CSMD1: variants seen among roughly 807,000 people sequenced by gnomAD.
CSMD1 encodes CUB and sushi domain-containing protein 1.
A neutral mutation model predicts 417.5 loss-of-function variants in CSMD1; 213 were observed. That is an observed-to-expected ratio of 0.51 (90% CI 0.46 to 0.57). CSMD1 has a LOEUF of 0.57. Ranked by LOEUF, CSMD1 falls within the 20% of genes least tolerant of loss-of-function variation. The pLI, the probability that CSMD1 is intolerant of heterozygous loss-of-function variation, is 0.00. For synonymous variants in CSMD1, 2,862 were observed against 1,736.8 expected (o/e 1.65, Z -16.11); for missense variants, 6,923 against 4,529.7 (o/e 1.53, Z -15.17).
chr8:4,501,164 G>A (rs1405622820), intron 2 of CSMD1, among the ~76,000 whole-genome samples: 2 of 152,038 alleles, frequency 1.3e-5, no homozygotes, highest in African/African-American at 4.8e-5. Flanking sequence ...ATATGTTTAT[G>A]TGTATGCATA....
chr8:4,354,696 C>T (rs925076084), intron 3 of CSMD1, among the ~76,000 whole-genome samples: 9 of 151,940 alleles, frequency 5.9e-5, no homozygotes, highest in African/African-American at 1.9e-4. Context: ...ATATTGTCAC[C>T]GTGTATATTT....
intron 2 of CSMD1, among the ~76,000 whole-genome samples, chr8:4,471,447 C>A (rs1204180781): frequency 1.3e-5 from 2 of 152,014 alleles, no homozygotes; most frequent in Admixed American, 6.6e-5. Flanking sequence ...TGTCAGCAAG[C>A]CTCTCGACAA....
Position 4,749,055 on chromosome 8 carries a change from CGT to C in CSMD1, c.86-111499_86-111498del, listed in dbSNP as rs747026933. On this transcript the variant is annotated intron_variant, in intron 1 of 69. Coordinates refer to ENST00000635120, the MANE Select transcript of CSMD1 (RefSeq NM_033225.6). ...AAAACTGTGTGTGTGTGCCTGTGTGCGTGTGTGTGTGTGTGAGCGCACGCTCG... is the reference window on the plus strand; with the variant it reads ...AAAACTGTGTGTGTGTGCCTGTGTGCGTGTGTGTGTGTGAGCGCACGCTCG... 6.1e-3 allele frequency among the ~76,000 whole-genome samples: 638 copies of C among 104,980 alleles called. 7 individuals carry two copies. The highest frequency in any genetic ancestry group is 0.028 in the African/African-American group (586 of 20,832). 68.9% of individuals were successfully genotyped at this position (104,980 alleles called of 152,430 possible). A position where few individuals can be genotyped will look rare whatever the true frequency, so the allele number is the denominator to read the frequency against.
intron 12 of CSMD1, among the ~76,000 whole-genome samples, chr8:3,454,174 T>A (rs1368703978): frequency 6.6e-6 from 1 of 152,178 alleles, no homozygotes; most frequent in Admixed American, 6.5e-5. Flanking sequence ...GGTAGATCTT[T>A]CTCCACCTCT....
chr8:3,516,695 GAA>G (rs1472252348), intron 10 of CSMD1, among the ~76,000 whole-genome samples: 7 of 152,096 alleles, frequency 4.6e-5, no homozygotes, highest in African/African-American at 1.4e-4. Context: ...GGTTACATGA[GAA>G]AGTTCTTTGG....
intron 1 of CSMD1, among the ~76,000 whole-genome samples, chr8:4,704,984 T>C (rs1235903904): frequency 1.3e-5 from 2 of 152,244 alleles, no homozygotes; most frequent in Non-Finnish European, 2.9e-5. Context: ...TTGTAATCCC[T>C]ACACGTGTTG....
intron 7 of CSMD1, among the ~76,000 whole-genome samples, chr8:3,643,327 G>A (rs1297431803): frequency 2.0e-5 from 3 of 152,092 alleles, no homozygotes; most frequent in Non-Finnish European, 2.9e-5. Flanking sequence ...GAAAAAAAAT[G>A]AGAGAAAAAG....
chr8:4,584,069 C>G lies in CSMD1; in HGVS notation c.302+53273G>C, dbSNP rs535852776. On this transcript the variant is annotated intron_variant, in intron 2 of 69. Coordinates refer to ENST00000635120, the MANE Select transcript of CSMD1 (RefSeq NM_033225.6). Reference sequence around the variant, plus strand: ...CACTACGAAGGTCTGCAGTTTCACTCCTGAGCCAGCAAGACCACGAACCCA... The same window carrying G: ...CACTACGAAGGTCTGCAGTTTCACTGCTGAGCCAGCAAGACCACGAACCCA... Among the ~76,000 whole-genome samples, 77 of 152,096 alleles carry G rather than the reference C, an allele frequency of 5.1e-4. 2 individuals carry two copies. Among genetic ancestry groups the G allele is most frequent in the African/African-American group, 1.8e-3 (75 of 41,468 alleles).
intron 3 of CSMD1, among the ~76,000 whole-genome samples, chr8:4,367,575 G>A (rs1432214120): frequency 6.6e-6 from 1 of 151,902 alleles, no homozygotes; most frequent in East Asian, 1.9e-4. Context: ...TTTTAGAATG[G>A]TTTTTCTTTT....
At chr8:4,138,865 T>C (rs1803601333) in intron 3 of CSMD1, among the ~76,000 whole-genome samples, 1 of 152,162 alleles carries the variant, frequency 6.6e-6, no homozygotes, top group Non-Finnish European at 1.5e-5. Context: ...TTGTGAATTA[T>C]TTAATAGGAA....
Position 3,045,252 on chromosome 8 carries a change from C to T in CSMD1, c.7660+7210G>A, listed in dbSNP as rs574704883. On this transcript the variant is annotated intron_variant, in intron 50 of 69. Coordinates refer to ENST00000635120, the MANE Select transcript of CSMD1 (RefSeq NM_033225.6). ...ATAGTTGGTATCAAAAGAGTACTCA[C>T]GATGCAAATTGACTTTTTGCTGTTT... 8.6e-4 allele frequency among the ~76,000 whole-genome samples: 131 copies of T among 152,128 alleles called. 1 individual carries two copies. Among genetic ancestry groups the T allele is most frequent in the Non-Finnish European group, 1.1e-3 (78 of 68,018 alleles).
At chr8:4,139,269 T>C (rs367804962) in intron 3 of CSMD1, among the ~76,000 whole-genome samples, 37,968 of 140,840 alleles carry the variant, frequency 0.27, 6,646 homozygotes, top group Non-Finnish European at 0.36. Context: ...CAGTGTAAAG[T>C]GTTGCATAAT....
intron 1 of CSMD1, among the ~76,000 whole-genome samples, chr8:4,696,180 G>A (rs184706779): frequency 5.1e-4 from 77 of 152,326 alleles, no homozygotes; most frequent in African/African-American, 1.7e-3. Context: ...TTTAAAGCCA[G>A]TGCACATGTA....
intron 3 of CSMD1, among the ~76,000 whole-genome samples, chr8:4,083,313 G>A (rs1407559176): frequency 6.6e-6 from 1 of 152,144 alleles, no homozygotes; most frequent in East Asian, 1.9e-4. Flanking sequence ...CATTCTAACT[G>A]GTGTGAGATG....
At chr8:4,653,689 A>T (rs1804050557) in intron 1 of CSMD1, among the ~76,000 whole-genome samples, 1 of 152,114 alleles carries the variant, frequency 6.6e-6, no homozygotes, top group African/African-American at 2.4e-5. Context: ...CCAGGCTGAA[A>T]ATAAGCATAA....
intron 12 of CSMD1, among the ~76,000 whole-genome samples, chr8:3,445,763 G>T (rs1178537624): frequency 1.3e-5 from 2 of 152,184 alleles, no homozygotes; most frequent in East Asian, 3.9e-4. Flanking sequence ...ACAAAGCCAT[G>T]TAAACAGTAA....
Position 4,732,809 on chromosome 8 carries a change from G to A in CSMD1, c.86-95251C>T, listed in dbSNP as rs530020037. Among the ~76,000 whole-genome samples the A allele has an allele frequency of 5.3e-5, 8 of 152,236 alleles. No homozygotes were observed. The South Asian group carries it at 1.5e-3, about 28-fold the overall frequency. On this transcript the variant is annotated intron_variant, in intron 1 of 69. Transcript: ENST00000635120. ...ATCCTCCAGGATTTAGTAACTCCAGGCAGTAAATGAGCTTGGAACTTCTTT... is the reference window on the plus strand; with the variant it reads ...ATCCTCCAGGATTTAGTAACTCCAGACAGTAAATGAGCTTGGAACTTCTTT...
chr8:4,529,341 G>C (rs1258193040), intron 2 of CSMD1, among the ~76,000 whole-genome samples: 1 of 152,146 alleles, frequency 6.6e-6, no homozygotes, highest in Admixed American at 6.5e-5. Context: ...CCAGCTGTCT[G>C]CTGTTAAAGC....
chr8:3,895,747 C>G (rs183590782), intron 5 of CSMD1, among the ~76,000 whole-genome samples: 1 of 152,158 alleles, frequency 6.6e-6, no homozygotes, highest in African/African-American at 2.4e-5. Context: ...TTTATTCATT[C>G]CTAATTCAGT....
Sources: gnomAD v4.1 joint callset for allele counts (sites outside exome capture counted in the v4.1 genomes callset) on GRCh38, gnomAD v4.1.1 for gene constraint, MANE v1.5 for transcripts, NCBI Gene and HGNC (gene_info 2026-07-23, HGNC 2026-07-21) for gene names.